The following RASGEF1B variants were observed in gnomAD, a reference collection of about 807,000 sequenced individuals.
RASGEF1B encodes RasGEF domain family member 1B.
In RASGEF1B, 30 loss-of-function variants were observed where a neutral mutation model predicts 65.7. That is an observed-to-expected ratio of 0.46 (90% CI 0.34 to 0.62). RASGEF1B has a LOEUF of 0.62. Among genes scored for constraint, RASGEF1B ranks in the 20% least tolerant of loss-of-function variants. The pLI is 0.01. For synonymous variants in RASGEF1B, 175 were observed against 194.8 expected (o/e 0.90, Z 0.85); for missense variants, 495 against 580.1 (o/e 0.85, Z 1.51).
At chr4:81,469,286 T>C (rs986984529) in intron 1 of RASGEF1B, among the ~76,000 whole-genome samples, 1 of 152,190 alleles carries the variant, frequency 6.6e-6, no homozygotes, top group Non-Finnish European at 1.5e-5. Context: ...TAGATTCTTC[T>C]CCCAAGCAAA....
intron 12 of RASGEF1B, 36 bp downstream of exon 12, chr4:81,433,804 G>C: frequency 6.2e-7 from 1 of 1,605,930 alleles, no homozygotes; most frequent in East Asian, 2.2e-5. Flanking sequence ...GAAGGATTTG[G>C]GGATGCTAGT....
In RASGEF1B at chr4:81,427,715, C is replaced by T. The variant is rs1335846186; in HGVS notation, c.*53G>A. Reference sequence around the variant, plus strand: ...AGATGCCAGAAAACAAAGGCCAGCCCCTCCATGATCTGCAGGAAGCAGCAG... The same window carrying T: ...AGATGCCAGAAAACAAAGGCCAGCCTCTCCATGATCTGCAGGAAGCAGCAG... On this transcript the variant is annotated 3_prime_UTR_variant, in exon 14 of 14. Transcript: ENST00000264400. 6.2e-7 allele frequency: 1 copy of T among 1,609,938 alleles called. No individual in the cohort carries two copies. The highest frequency in any genetic ancestry group is 2.2e-5 in the East Asian group (1 of 44,854).
chr4:81,436,549 G>C (rs909571500), intron 10 of RASGEF1B, among the ~76,000 whole-genome samples: 2 of 152,206 alleles, frequency 1.3e-5, no homozygotes, highest in South Asian at 2.1e-4. Context: ...CAGAGAAAAA[G>C]GCTCACATAC....
intron 12 of RASGEF1B, among the ~76,000 whole-genome samples, chr4:81,433,441 C>T (rs1262378330): frequency 6.6e-6 from 1 of 151,890 alleles, no homozygotes; most frequent in Non-Finnish European, 1.5e-5. Context: ...CAAAATGTTC[C>T]AGTACTTTTT....
intron 1 of RASGEF1B, among the ~76,000 whole-genome samples, chr4:81,466,684 G>A (rs1236646164): frequency 6.7e-6 from 1 of 149,176 alleles, no homozygotes. Flanking sequence ...GTTTGAACCT[G>A]GAAGACAGAG....
At chr4:81,465,250 T>C (rs930654321) in intron 1 of RASGEF1B, among the ~76,000 whole-genome samples, 5 of 152,086 alleles carry the variant, frequency 3.3e-5, no homozygotes, top group South Asian at 2.1e-4. Flanking sequence ...GGCAGCACTT[T>C]AGGATATTAG....
chr4:81,436,307 T>C (rs1721630753), intron 10 of RASGEF1B, among the ~76,000 whole-genome samples: 2 of 152,178 alleles, frequency 1.3e-5, no homozygotes, highest in African/African-American at 4.8e-5. Context: ...CCTGCTCTCA[T>C]AGGAAATCAC....
intron 4 of RASGEF1B, 29 bp from the exon 5 acceptor site, chr4:81,448,313 T>C (rs1182730607): frequency 6.3e-7 from 1 of 1,580,490 alleles, no homozygotes; most frequent in African/African-American, 1.3e-5. Flanking sequence ...ATTACATCCG[T>C]ACTCTGCGTG....
intron 1 of RASGEF1B, among the ~76,000 whole-genome samples, chr4:81,470,337 C>T (rs1722977001): frequency 6.6e-6 from 1 of 152,212 alleles, no homozygotes; most frequent in Admixed American, 6.5e-5. Flanking sequence ...CTCCTTGTTT[C>T]TTAGCAGAGG....
rs768062612 is a variant in RASGEF1B, at chr4:81,433,975, G to A, written c.1201-12C>T. On this transcript the variant is annotated splice_polypyrimidine_tract_variant and intron_variant, in intron 11 of 13. Coordinates refer to ENST00000264400, the MANE Select transcript of RASGEF1B (RefSeq NM_152545.3). The stretch of plus-strand genomic sequence containing the variant: ...AGTTCCCAAAATTTCTGGAAGATAA[G>A]TAAAAAAAGAATATAAAGGTGATCA... The A allele has an allele frequency of 6.2e-7, 1 of 1,607,930 alleles. No homozygotes were observed. The highest frequency in any genetic ancestry group is 8.5e-7 in the Non-Finnish European group (1 of 1,175,482).
intron 1 of RASGEF1B, among the ~76,000 whole-genome samples, chr4:81,464,452 A>T (rs953113067): frequency 1.3e-5 from 2 of 152,232 alleles, no homozygotes; most frequent in African/African-American, 4.8e-5. Context: ...AATCCTACCA[A>T]TAATACATAA....
chr4:81,445,898 C>T, intron 6 of RASGEF1B, 60 bp from the exon 7 acceptor site: 1 of 1,249,652 alleles, frequency 8.0e-7, no homozygotes, highest in East Asian at 2.3e-5. Context: ...AGTGGACTCT[C>T]ATTTTGTGAA....
intron 13 of RASGEF1B, among the ~76,000 whole-genome samples, chr4:81,428,708 G>A (rs1350161399): frequency 3.3e-5 from 5 of 152,192 alleles, no homozygotes. Flanking sequence ...AACAGGTTAT[G>A]TGTTATTGAA....
chr4:81,438,056 A>C (rs1467347018), intron 10 of RASGEF1B, among the ~76,000 whole-genome samples: 2 of 152,184 alleles, frequency 1.3e-5, no homozygotes, highest in African/African-American at 4.8e-5. Flanking sequence ...ACTGCACCAT[A>C]AGGGTTTTGC....
At chr4:81,427,937 G>C in intron 13 of RASGEF1B, 145 bp from the exon 14 acceptor site, 2 of 802,416 alleles carry the variant, frequency 2.5e-6, no homozygotes, top group Non-Finnish European at 3.7e-6. Context: ...AAAAAATCAA[G>C]CTTTTAAGTC....
At chr4:81,441,534 C>T (rs1721836857) in intron 9 of RASGEF1B, among the ~76,000 whole-genome samples, 1 of 148,966 alleles carries the variant, frequency 6.7e-6, no homozygotes, top group Non-Finnish European at 1.5e-5. Flanking sequence ...CATACTCTTG[C>T]ACGCGATTTT....
chr4:81,459,254 T>C, intron 2 of RASGEF1B, 78 bp downstream of exon 2: 4 of 1,070,436 alleles, frequency 3.7e-6, no homozygotes, highest in South Asian at 2.3e-5. Flanking sequence ...AATTCTGTAT[T>C]ATCTATGGTC....
At chr4:81,436,511 C>T (rs1721637346) in intron 10 of RASGEF1B, among the ~76,000 whole-genome samples, 2 of 152,094 alleles carry the variant, frequency 1.3e-5, no homozygotes, top group Non-Finnish European at 1.5e-5. Context: ...TCAGTAAGTA[C>T]CCCAAATCAT....
At chr4:81,449,061 C>A (rs1189636725) in intron 4 of RASGEF1B, among the ~76,000 whole-genome samples, 4 of 152,200 alleles carry the variant, frequency 2.6e-5, no homozygotes, top group Non-Finnish European at 5.9e-5. Flanking sequence ...ATCCGCCTGC[C>A]TCAGCCTCCC....
Sources: allele counts gnomAD v4.1 joint callset (sites outside exome capture counted in the v4.1 genomes callset), GRCh38; gene constraint gnomAD v4.1.1; transcripts MANE v1.5; gene names NCBI Gene and HGNC (gene_info 2026-07-23, HGNC 2026-07-21).